Variants in CADPS2 observed in about 807,000 individuals in gnomAD.
CADPS2 encodes calcium dependent secretion activator 2.
In CADPS2, 93 loss-of-function variants were observed where a neutral mutation model predicts 172.5. The observed-to-expected ratio is 0.54, with a 90% confidence interval of 0.46 to 0.64. The LOEUF (loss-of-function observed/expected upper bound fraction) is 0.64. CADPS2 is among the 30% of genes least tolerant of loss of function. The pLI is 0.00. For missense variants in CADPS2, 1,420 were observed against 1,565.9 expected (o/e 0.91, Z 1.57); for synonymous variants, 546 against 555.2 (o/e 0.98, Z 0.23).
chr7:122,533,161 C>T (rs753100234), intron 8 of CADPS2, among the ~76,000 whole-genome samples: 31 of 151,942 alleles, frequency 2.0e-4, no homozygotes, highest in Non-Finnish European at 4.3e-4. Context: ...CTATTTGTGC[C>T]AGATGCTAGA....
chr7:122,512,525 A>T (rs750317606), intron 9 of CADPS2, among the ~76,000 whole-genome samples: 10 of 152,130 alleles, frequency 6.6e-5, no homozygotes, highest in Non-Finnish European at 1.3e-4. Context: ...ACAAAAGAAG[A>T]GTCAGCCAAA....
At chr7:122,381,203 T>C (rs1384874287) in intron 24 of CADPS2, among the ~76,000 whole-genome samples, 1 of 152,112 alleles carries the variant, frequency 6.6e-6, no homozygotes, top group African/African-American at 2.4e-5. Context: ...CTTATGCAAA[T>C]GAGCTCTGCC....
At chr7:122,819,205 T>C (rs945651639) in intron 1 of CADPS2, among the ~76,000 whole-genome samples, 3 of 152,184 alleles carry the variant, frequency 2.0e-5, no homozygotes, top group Admixed American at 1.3e-4. Context: ...GTGCCAGATA[T>C]TTGGCCACTG....
At chr7:122,751,631 C>T (rs1013370401) in intron 1 of CADPS2, among the ~76,000 whole-genome samples, 3 of 152,118 alleles carry the variant, frequency 2.0e-5, no homozygotes, top group Admixed American at 6.6e-5. Flanking sequence ...ACAATACACA[C>T]GGCACATACA....
chr7:122,850,044 G>A (rs547266228), intron 1 of CADPS2: 57 of 1,243,272 alleles, frequency 4.6e-5, no homozygotes, highest in Admixed American at 1.4e-4. Flanking sequence ...TCTGCAGTTT[G>A]ATGATGAAGA....
At chr7:122,690,184 C>T (rs945986988) in intron 2 of CADPS2, among the ~76,000 whole-genome samples, 1 of 152,146 alleles carries the variant, frequency 6.6e-6, no homozygotes, top group African/African-American at 2.4e-5. Flanking sequence ...GGATACTAAC[C>T]AGGGTAAATC....
At chr7:122,416,024 C>CATAT in intron 18 of CADPS2, 37 bp downstream of exon 18, 1 of 1,326,074 alleles carries the variant, frequency 7.5e-7, no homozygotes, top group Non-Finnish European at 1.0e-6. Context: ...TGAAGCCTTA[C>CATAT]ATATAGCTTT....
intron 7 of CADPS2, among the ~76,000 whole-genome samples, chr7:122,561,827 A>C (rs928408707): frequency 1.3e-5 from 2 of 152,180 alleles, no homozygotes; most frequent in African/African-American, 4.8e-5. Context: ...AAAAATCTCT[A>C]AGCCTTCTTA....
chr7:122,801,849 A>G (rs1164356260), intron 1 of CADPS2, among the ~76,000 whole-genome samples: 2 of 152,018 alleles, frequency 1.3e-5, no homozygotes, highest in African/African-American at 4.8e-5. Context: ...TCAGCCTCCC[A>G]AAGTGCTGGG....
chr7:122,609,379 A>T (rs2074007060), intron 6 of CADPS2, among the ~76,000 whole-genome samples: 1 of 152,300 alleles, frequency 6.6e-6, no homozygotes, highest in Non-Finnish European at 1.5e-5. Flanking sequence ...TGGAAAGGGT[A>T]AAATGCTATA....
At chr7:122,727,428 T>G (rs2091221082) in intron 2 of CADPS2, among the ~76,000 whole-genome samples, 1 of 151,708 alleles carries the variant, frequency 6.6e-6, no homozygotes, top group Admixed American at 6.6e-5. Context: ...ACACCAGATT[T>G]ACTTACCCAC....
chr7:122,593,157 G>T lies in CADPS2; in HGVS notation c.1224-11867C>A, dbSNP rs2071163637. On this transcript the variant is annotated intron_variant, in intron 6 of 29. Coordinates refer to ENST00000449022, the MANE Select transcript of CADPS2 (RefSeq NM_017954.11). ...TAACATTCATCCCACAAATCACACT[G>T]TCATTTAAGACATCAAACTATACTA... Among the ~76,000 whole-genome samples the T allele has an allele frequency of 2.0e-5, 3 of 151,870 alleles. No homozygotes were observed. In the South Asian group the frequency reaches 6.2e-4, roughly 32 times the overall value.
intron 1 of CADPS2, among the ~76,000 whole-genome samples, chr7:122,877,788 G>C (rs527760018): frequency 6.6e-6 from 1 of 152,244 alleles, no homozygotes; most frequent in East Asian, 1.9e-4. Context: ...AGAAACGATA[G>C]CGTCTAATCA....
intron 8 of CADPS2, among the ~76,000 whole-genome samples, chr7:122,533,347 C>A (rs537933425): frequency 1.1e-4 from 17 of 152,098 alleles, no homozygotes; most frequent in Non-Finnish European, 2.4e-4. Context: ...ATGTATGTAA[C>A]TCTCTACCTA....
chr7:122,367,710 ATTTTTT>A (rs57790964), intron 25 of CADPS2, among the ~76,000 whole-genome samples: 4 of 60,144 alleles, frequency 6.7e-5, no homozygotes, highest in Admixed American at 2.4e-4. Context: ...TGCCCAGCTA[ATTTTTT>A]TTTTTTTTTT....
intron 20 of CADPS2, among the ~76,000 whole-genome samples, chr7:122,405,789 A>G (rs1232942521): frequency 6.6e-6 from 1 of 152,224 alleles, no homozygotes; most frequent in Non-Finnish European, 1.5e-5. Flanking sequence ...TAGGAATTGT[A>G]AGCTTATAAT....
At chr7:122,552,562 C>T (rs2064438387) in intron 8 of CADPS2, among the ~76,000 whole-genome samples, 1 of 151,976 alleles carries the variant, frequency 6.6e-6, no homozygotes, top group Non-Finnish European at 1.5e-5. Flanking sequence ...TGTAAGGGGT[C>T]TGGATTGTCT....
At chr7:122,654,874 C>T (rs960513567) in intron 3 of CADPS2, among the ~76,000 whole-genome samples, 4 of 152,158 alleles carry the variant, frequency 2.6e-5, no homozygotes, top group African/African-American at 9.7e-5. Flanking sequence ...TTCTAGATGC[C>T]ATTAACACAC....
intron 2 of CADPS2, among the ~76,000 whole-genome samples, chr7:122,682,509 AT>A: frequency 6.6e-6 from 1 of 152,234 alleles, no homozygotes; most frequent in Non-Finnish European, 1.5e-5. Context: ...CAGAAAATAA[AT>A]CTTAAAAATT....
Sources: gnomAD v4.1 joint callset for allele counts (sites outside exome capture counted in the v4.1 genomes callset) on GRCh38, gnomAD v4.1.1 for gene constraint, MANE v1.5 for transcripts, NCBI Gene and HGNC (gene_info 2026-07-23, HGNC 2026-07-21) for gene names.